Variants in VEGFC observed in about 807,000 individuals in gnomAD.
VEGFC encodes the protein vascular endothelial growth factor C.
In VEGFC, 12 loss-of-function variants were observed where a neutral mutation model predicts 46.1. The observed-to-expected ratio is 0.26, with a 90% confidence interval of 0.17 to 0.42. VEGFC has a LOEUF of 0.42. VEGFC is among the 10% of genes least tolerant of loss of function. The pLI is 1.00. For synonymous variants in VEGFC, 232 were observed against 195.5 expected, an observed-to-expected ratio of 1.19 and a Z score of -1.56; for missense variants, 488 against 529.4, an observed-to-expected ratio of 0.92 and a Z score of 0.77.
intron 4 of VEGFC, among the ~76,000 whole-genome samples, chr4:176,688,405 T>C (rs1185132799): frequency 6.6e-6 from 1 of 152,208 alleles, no homozygotes; most frequent in African/African-American, 2.4e-5. Flanking sequence ...ACTTTGATTT[T>C]GGCTTTTCCA....
At chr4:176,701,482 CA>C (rs1734432020) in intron 4 of VEGFC, among the ~76,000 whole-genome samples, 2 of 152,140 alleles carry the variant, frequency 1.3e-5, no homozygotes, top group African/African-American at 4.8e-5. Context: ...AATCTATCAG[CA>C]AGCCATAGGA....
At chr4:176,767,773 A>C (rs570342732) in intron 1 of VEGFC, among the ~76,000 whole-genome samples, 4 of 152,230 alleles carry the variant, frequency 2.6e-5, no homozygotes, top group Admixed American at 2.0e-4. Flanking sequence ...AGAGGAATAT[A>C]ATGTGACTTA....
At chr4:176,778,239 G>A (rs373864223) in intron 1 of VEGFC, among the ~76,000 whole-genome samples, 1 of 152,108 alleles carries the variant, frequency 6.6e-6, no homozygotes, top group Non-Finnish European at 1.5e-5. Flanking sequence ...GTCTAGCTGT[G>A]GCAAATGCAG....
chr4:176,723,124 G>A (rs1363236050), intron 3 of VEGFC, among the ~76,000 whole-genome samples: 1 of 152,084 alleles, frequency 6.6e-6, no homozygotes, highest in Non-Finnish European at 1.5e-5. Context: ...TTATTTGGTT[G>A]ACCAATAGTA....
chr4:176,765,972 T>C (rs1735615257), intron 1 of VEGFC, among the ~76,000 whole-genome samples: 1 of 151,864 alleles, frequency 6.6e-6, no homozygotes, highest in Non-Finnish European at 1.5e-5. Context: ...ATCTTTAGAA[T>C]ATAGAAAATA....
chr4:176,700,065 T>C (rs912208598), intron 4 of VEGFC, among the ~76,000 whole-genome samples: 9 of 152,224 alleles, frequency 5.9e-5, no homozygotes, highest in Non-Finnish European at 1.2e-4. Context: ...TCCATAGTTG[T>C]AACAATTTTG....
intron 4 of VEGFC, among the ~76,000 whole-genome samples, chr4:176,688,615 C>T (rs1734090779): frequency 6.9e-6 from 1 of 144,348 alleles, no homozygotes; most frequent in South Asian, 2.4e-4. Context: ...TCTTCCTTCC[C>T]TTCCCCTCCT....
intron 1 of VEGFC, among the ~76,000 whole-genome samples, chr4:176,732,658 G>A (rs1447699803): frequency 3.6e-4 from 54 of 151,360 alleles, no homozygotes; most frequent in Admixed American, 3.6e-3. Flanking sequence ...ACATTGCTTA[G>A]CTATTCAGAA....
intron 4 of VEGFC, among the ~76,000 whole-genome samples, chr4:176,696,138 A>G (rs1734309335): frequency 6.9e-6 from 1 of 145,474 alleles, no homozygotes. Flanking sequence ...GGCCAGGGCA[A>G]TTAGGCAGGA....
At chr4:176,753,375 C>A (rs924271264) in intron 1 of VEGFC, among the ~76,000 whole-genome samples, 2 of 152,052 alleles carry the variant, frequency 1.3e-5, no homozygotes, top group Admixed American at 6.6e-5. Flanking sequence ...CGCATGAGTC[C>A]ATGGCAGCTG....
intron 6 of VEGFC, among the ~76,000 whole-genome samples, chr4:176,684,750 G>A (rs139826415): frequency 1.3e-5 from 2 of 152,198 alleles, no homozygotes; most frequent in Admixed American, 1.3e-4. Flanking sequence ...TTTTGAGACA[G>A]AGTCTTGTTC....
Position 176,693,311 on chromosome 4 carries a change from C to G in VEGFC, c.705-5384G>C, listed in dbSNP as rs1442449757. 3.7e-5 allele frequency among the ~76,000 whole-genome samples: 5 copies of G among 135,746 alleles called. 1 individual carries two copies. Among genetic ancestry groups the G allele is most frequent in the South Asian group, 4.4e-4 (2 of 4,570 alleles). The allele number at this position is 135,746 out of a possible 152,430, so 89.1% of individuals were successfully genotyped here. On this transcript the variant is annotated intron_variant, in intron 4 of 6. Coordinates refer to ENST00000618562, the MANE Select transcript of VEGFC (RefSeq NM_005429.5). The stretch of plus-strand genomic sequence containing the variant: ...GCTGATGGAGCTGAAAACCAAGGCT[C>G]GAGAACTACGTGAAGAATGCAGAAG...
At chr4:176,750,502 T>A (rs1413038742) in intron 1 of VEGFC, among the ~76,000 whole-genome samples, 2 of 151,688 alleles carry the variant, frequency 1.3e-5, no homozygotes, top group Admixed American at 1.3e-4. Context: ...ATCAAAGGGT[T>A]CACAATACAG....
intron 1 of VEGFC, among the ~76,000 whole-genome samples, chr4:176,736,481 A>T (rs925491862): frequency 6.6e-6 from 1 of 151,714 alleles, no homozygotes; most frequent in African/African-American, 2.4e-5. Flanking sequence ...TACTATAAAA[A>T]ATATAATAGA....
At chr4:176,748,100 A>G (rs1735286494) in intron 1 of VEGFC, among the ~76,000 whole-genome samples, 1 of 152,118 alleles carries the variant, frequency 6.6e-6, no homozygotes, top group African/African-American at 2.4e-5. Flanking sequence ...CTATGCCAAG[A>G]CTGCAGCAAA....
chr4:176,707,122 G>A (rs1219733108), intron 4 of VEGFC, among the ~76,000 whole-genome samples: 2 of 152,122 alleles, frequency 1.3e-5, no homozygotes, highest in African/African-American at 2.4e-5. Context: ...ATACTAAGAT[G>A]TGTTAATCCA....
intron 1 of VEGFC, among the ~76,000 whole-genome samples, chr4:176,785,309 CACCTGTCCAAATGAGG>C (rs1483080593): frequency 6.6e-6 from 1 of 152,144 alleles, no homozygotes; most frequent in East Asian, 1.9e-4. Context: ...TACATCTTTC[CACCTGTCCAAATGAGG>C]ACAGGTTGAA....
chr4:176,731,887 C>T (rs182720189), intron 1 of VEGFC, among the ~76,000 whole-genome samples: 172 of 151,738 alleles, frequency 1.1e-3, no homozygotes, highest in Middle Eastern at 6.8e-3. Context: ...ATAACTATAA[C>T]AATATTTATA....
At chr4:176,741,351 T>A (rs887461576) in intron 1 of VEGFC, among the ~76,000 whole-genome samples, 2 of 151,958 alleles carry the variant, frequency 1.3e-5, no homozygotes, top group African/African-American at 2.4e-5. Flanking sequence ...AGCTGGACAA[T>A]CAACATTGAT....
Sources: allele counts gnomAD v4.1 joint callset (sites outside exome capture counted in the v4.1 genomes callset), GRCh38; gene constraint gnomAD v4.1.1; transcripts MANE v1.5; gene names NCBI Gene and HGNC (gene_info 2026-07-23, HGNC 2026-07-21).